DCC: variants seen among roughly 807,000 people sequenced by gnomAD.
DCC encodes DCC netrin 1 receptor, also known as netrin receptor DCC.
Under a neutral mutation model 172.5 loss-of-function variants are expected in DCC, and 58 were observed. The ratio of observed to expected loss-of-function variants is 0.34; its 90% confidence interval spans 0.27 to 0.42. The LOEUF (loss-of-function observed/expected upper bound fraction) is 0.42, where lower values mean the gene tolerates loss of function less well. DCC is among the 10% of genes least tolerant of loss of function. The pLI is 1.00. For synonymous variants in DCC, 709 were observed against 644.5 expected (o/e 1.10, Z -1.52); for missense variants, 1,740 against 1,791.0 (o/e 0.97, Z 0.51).
At chr18:53,494,163 C>CTAAT (rs1568167161) in intron 26 of DCC, among the ~76,000 whole-genome samples, 1 of 152,200 alleles carries the variant, frequency 6.6e-6, no homozygotes, top group South Asian at 2.1e-4. Flanking sequence ...ATCTTGAGTT[C>CTAAT]TAATTTGATT....
chr18:53,350,588 A>C (rs2057780200), intron 15 of DCC, among the ~76,000 whole-genome samples: 1 of 152,052 alleles, frequency 6.6e-6, no homozygotes, highest in Non-Finnish European at 1.5e-5. Context: ...CATAATGTTT[A>C]ATACTGGAAA....
intron 27 of DCC, among the ~76,000 whole-genome samples, chr18:53,504,815 T>C (rs1424776870): frequency 6.6e-6 from 1 of 152,160 alleles, no homozygotes; most frequent in Non-Finnish European, 1.5e-5. Context: ...TGATGCCCTA[T>C]TTATAAGTGA....
chr18:52,455,273 A>G (rs1359749315), intron 1 of DCC, among the ~76,000 whole-genome samples: 2 of 152,092 alleles, frequency 1.3e-5, no homozygotes, highest in Admixed American at 6.5e-5. Flanking sequence ...AAAAGAATTT[A>G]TTTTCTCTTA....
chr18:53,059,897 C>G (rs886370452), intron 5 of DCC, among the ~76,000 whole-genome samples: 3 of 152,042 alleles, frequency 2.0e-5, no homozygotes, highest in African/African-American at 4.8e-5. Context: ...TTGTACTAGG[C>G]ATTGAGATAT....
intron 1 of DCC, among the ~76,000 whole-genome samples, chr18:52,447,132 G>A (rs1988150765): frequency 6.6e-6 from 1 of 152,164 alleles, no homozygotes; most frequent in Non-Finnish European, 1.5e-5. Context: ...TAAGACACAA[G>A]GCACATCTTA....
At chr18:52,732,681 T>C (rs1018858741) in intron 1 of DCC, among the ~76,000 whole-genome samples, 3 of 152,186 alleles carry the variant, frequency 2.0e-5, no homozygotes, top group Non-Finnish European at 2.9e-5. Context: ...GAAATGGAGA[T>C]TGAAGTCCAA....
chr18:53,462,672 C>T (rs1422657334), intron 24 of DCC, among the ~76,000 whole-genome samples: 1 of 152,120 alleles, frequency 6.6e-6, no homozygotes, highest in Non-Finnish European at 1.5e-5. Flanking sequence ...AAAAAATTTT[C>T]TTCCATGAAA....
chr18:52,765,243 C>T (rs2037227905), intron 2 of DCC, among the ~76,000 whole-genome samples: 1 of 142,080 alleles, frequency 7.0e-6, no homozygotes, highest in South Asian at 2.2e-4. Context: ...GATGGGGTCA[C>T]CATGTTGGCC....
intron 9 of DCC, among the ~76,000 whole-genome samples, chr18:53,203,441 A>G (rs9967014): frequency 0.044 from 6,749 of 152,230 alleles, 185 homozygotes; most frequent in East Asian, 0.11. Context: ...AGATAAAAAA[A>G]TACAGTGTTA....
chr18:52,350,037 T>C (rs1984048587), intron 1 of DCC, among the ~76,000 whole-genome samples: 1 of 152,190 alleles, frequency 6.6e-6, no homozygotes, highest in South Asian at 2.1e-4. Context: ...TTATCAGTTT[T>C]CAGGAAGGAC....
intron 5 of DCC, among the ~76,000 whole-genome samples, chr18:52,930,684 A>T (rs575739899): frequency 6.6e-6 from 1 of 152,268 alleles, no homozygotes. Context: ...TTTGCATTTT[A>T]CATTTTGTGA....
intron 15 of DCC, among the ~76,000 whole-genome samples, chr18:53,344,932 G>A (rs139272927): frequency 0.017 from 2,579 of 148,908 alleles, 39 homozygotes; most frequent in Non-Finnish European, 0.026. Flanking sequence ...TGTCTTATAA[G>A]AGATCAGCTG....
At chr18:53,229,092 T>C (rs2056084073) in intron 12 of DCC, among the ~76,000 whole-genome samples, 1 of 152,162 alleles carries the variant, frequency 6.6e-6, no homozygotes, top group African/African-American at 2.4e-5. Context: ...TGTTTTCAAA[T>C]TGTAGTCCAA....
At chr18:52,377,193 C>T (rs912058671) in intron 1 of DCC, among the ~76,000 whole-genome samples, 1 of 152,112 alleles carries the variant, frequency 6.6e-6, no homozygotes, top group African/African-American at 2.4e-5. Flanking sequence ...AAATTAGCTG[C>T]TGATGAATAG....
At chr18:52,892,083 A>G (rs1351805586) in intron 2 of DCC, among the ~76,000 whole-genome samples, 1 of 152,236 alleles carries the variant, frequency 6.6e-6, no homozygotes, top group East Asian at 1.9e-4. Context: ...ATCTTTTGCC[A>G]TGTTCCTCTT....
chr18:53,234,321 C>A (rs549129895), intron 12 of DCC, among the ~76,000 whole-genome samples: 2 of 151,946 alleles, frequency 1.3e-5, no homozygotes, highest in African/African-American at 4.8e-5. Context: ...TCCAGCTACT[C>A]GGGAGGCTGA....
intron 8 of DCC, among the ~76,000 whole-genome samples, chr18:53,160,912 G>A (rs950749648): frequency 3.9e-5 from 6 of 152,006 alleles, no homozygotes; most frequent in African/African-American, 1.4e-4. Flanking sequence ...ACAACTGCCT[G>A]TACTCTTTAA....
intron 7 of DCC, among the ~76,000 whole-genome samples, chr18:53,153,962 C>A (rs2054686177): frequency 6.6e-6 from 1 of 152,198 alleles, no homozygotes; most frequent in Non-Finnish European, 1.5e-5. Context: ...GCGATCTGAG[C>A]TGTTCGAATA....
At position 53,351,337 on chromosome 18, in the gene DCC, G is replaced by GCA. The variant is rs2057797199; in HGVS notation, c.2359+11430_2359+11431insCA. 2.6e-4 allele frequency among the ~76,000 whole-genome samples: 3 copies of GCA among 11,644 alleles called. 1 individual carries two copies. Among genetic ancestry groups the GCA allele is most frequent in the African/African-American group, 4.6e-4 (2 of 4,314 alleles). 7.6% of individuals were successfully genotyped at this position (11,644 alleles called of 152,430 possible). On this transcript the variant is annotated intron_variant, in intron 15 of 28. Transcript: ENST00000442544. ...TATACACTGTATATATATATACAGT[G>GCA]TATATATATATACACAGTATATATA...
Sources: allele counts gnomAD v4.1 joint callset (sites outside exome capture counted in the v4.1 genomes callset), GRCh38; gene constraint gnomAD v4.1.1; transcripts MANE v1.5; gene names NCBI Gene and HGNC (gene_info 2026-07-23, HGNC 2026-07-21).